Variants in DNAH9 observed in about 807,000 individuals in gnomAD.
DNAH9 encodes the protein dynein axonemal heavy chain 9, also known as DNAH9 variant protein.
Under a neutral mutation model 471.6 loss-of-function variants are expected in DNAH9, and 345 were observed. The observed-to-expected ratio is 0.73, with a 90% CI of 0.67 to 0.80. DNAH9 has a LOEUF of 0.80. Among genes scored for constraint, DNAH9 ranks in the 30% least tolerant of loss-of-function variants. The probability of loss-of-function intolerance (pLI) is 0.00; values close to 1 mark genes in which losing one functional copy is unlikely to be tolerated. For synonymous variants in DNAH9, 2,093 were observed against 2,123.6 expected (o/e 0.99, Z 0.40); for missense variants, 5,407 against 5,609.2 (o/e 0.96, Z 1.15).
At chr17:11,618,811 A>G (rs1398885492) in intron 5 of DNAH9, among the ~76,000 whole-genome samples, 1 of 152,162 alleles carries the variant, frequency 6.6e-6, no homozygotes. Context: ...ATTATTTATT[A>G]TATTATTTAA....
At chr17:11,919,509 A>G (rs941417354) in intron 61 of DNAH9, among the ~76,000 whole-genome samples, 2 of 151,644 alleles carry the variant, frequency 1.3e-5, no homozygotes, top group Non-Finnish European at 2.9e-5. Context: ...AAAAAAGAAA[A>G]AAAAAAAAAA....
chr17:11,871,550 C>A, intron 51 of DNAH9, 48 bp from the exon 52 acceptor site: 1 of 1,560,900 alleles, frequency 6.4e-7, no homozygotes, highest in Non-Finnish European at 8.8e-7. Flanking sequence ...GGCTCTATCA[C>A]CTACTGTGTA....
chr17:11,701,306 C>A, intron 24 of DNAH9, 59 bp downstream of exon 24: 2 of 1,576,434 alleles, frequency 1.3e-6, no homozygotes, highest in South Asian at 2.3e-5. Context: ...TCCGCAGCCT[C>A]CCCCAGCCTT....
intron 65 of DNAH9, among the ~76,000 whole-genome samples, chr17:11,935,323 A>C (rs1190377225): frequency 1.3e-5 from 2 of 150,982 alleles, no homozygotes; most frequent in African/African-American, 4.9e-5. Flanking sequence ...AGCTATGTTT[A>C]AAGTATTCAT....
chr17:11,859,110 A>G (rs900894779), intron 50 of DNAH9, among the ~76,000 whole-genome samples: 1 of 138,662 alleles, frequency 7.2e-6, no homozygotes, highest in African/African-American at 2.7e-5. Flanking sequence ...AAAAAAGAGT[A>G]ATGACACAAA....
intron 24 of DNAH9, among the ~76,000 whole-genome samples, chr17:11,703,834 A>T (rs1004029625): frequency 6.6e-6 from 1 of 152,166 alleles, no homozygotes; most frequent in African/African-American, 2.4e-5. Context: ...TGTCATTGGG[A>T]TGGTTGGGCA....
At chr17:11,787,742 T>C (rs1968923211) in intron 41 of DNAH9, among the ~76,000 whole-genome samples, 1 of 152,194 alleles carries the variant, frequency 6.6e-6, no homozygotes, top group Non-Finnish European at 1.5e-5. Flanking sequence ...GAGAGATAAT[T>C]GGAACCATGG....
chr17:11,880,016 A>G, intron 53 of DNAH9, 62 bp from the exon 54 acceptor site: 1 of 1,595,286 alleles, frequency 6.3e-7, no homozygotes. Flanking sequence ...GTCTCATTAA[A>G]TGGTCTCAAC....
chr17:11,878,558 TTTG>T (rs772443130), intron 53 of DNAH9, among the ~76,000 whole-genome samples: 1 of 152,084 alleles, frequency 6.6e-6, no homozygotes, highest in Non-Finnish European at 1.5e-5. Flanking sequence ...TGTTTGTTTG[TTTG>T]TTTGTTTGTT....
chr17:11,847,997 T>A (rs1289211120), intron 49 of DNAH9, among the ~76,000 whole-genome samples: 5 of 152,092 alleles, frequency 3.3e-5, no homozygotes, highest in Non-Finnish European at 5.9e-5. Context: ...CAGGTTCTGC[T>A]AACCCCTCCT....
At chr17:11,935,729 ACT>A (rs1974691253) in intron 65 of DNAH9, among the ~76,000 whole-genome samples, 1 of 151,978 alleles carries the variant, frequency 6.6e-6, no homozygotes, top group African/African-American at 2.4e-5. Context: ...GCCTAGAAAA[ACT>A]CTTGAATATA....
At chr17:11,948,865 C>A (rs1181054826) in intron 67 of DNAH9, among the ~76,000 whole-genome samples, 1 of 152,182 alleles carries the variant, frequency 6.6e-6, no homozygotes, top group Non-Finnish European at 1.5e-5. Flanking sequence ...CAGGCTACAG[C>A]ATGGAGCCCC....
chr17:11,902,789 A>G lies in DNAH9; in HGVS notation c.11477A>G (p.Lys3826Arg). ...GAGGGATCTGCTAAGAGCTGGAAAA[A>G]GTTTGTGGAGTCCGAATGTCCTGAG... ...DIEGSAKSWK[K>R]FVESECPEKE... The change falls in exon 60 of 69, where the codon AAG (lysine) becomes AGG (arginine). Residue 3826 changes from lysine (K) to arginine (R), a missense_variant. By Grantham distance (26) the Lys-to-Arg change is conservative (BLOSUM62 2). Transcript: ENST00000262442. 1 of 1,614,002 alleles carries G rather than the reference A, an allele frequency of 6.2e-7. No individual in the cohort carries two copies. The highest frequency in any genetic ancestry group is 1.7e-4 in the Middle Eastern group (1 of 6,056).
At chr17:11,893,177 G>C (rs1597796687) in intron 58 of DNAH9, among the ~76,000 whole-genome samples, 1 of 16,664 alleles carries the variant, frequency 6.0e-5, no homozygotes, top group Admixed American at 9.5e-4. Context: ...CTTGGCCTTT[G>C]CAAAAAAAAA....
chr17:11,833,167 C>G (rs979793443), intron 48 of DNAH9, among the ~76,000 whole-genome samples: 6 of 152,230 alleles, frequency 3.9e-5, no homozygotes, highest in Non-Finnish European at 8.8e-5. Flanking sequence ...TGGAAGTTTT[C>G]TCAGGTGCTG....
At chr17:11,751,449 A>G (rs899734027) in intron 32 of DNAH9, among the ~76,000 whole-genome samples, 1 of 152,058 alleles carries the variant, frequency 6.6e-6, no homozygotes, top group Non-Finnish European at 1.5e-5. Context: ...GGATAGAGCA[A>G]TTGTTTTTAA....
intron 17 of DNAH9, among the ~76,000 whole-genome samples, chr17:11,677,679 T>C (rs1050626442): frequency 6.6e-6 from 1 of 152,170 alleles, no homozygotes; most frequent in Non-Finnish European, 1.5e-5. Flanking sequence ...TATGTTCTTT[T>C]AGTTTGCTAT....
intron 48 of DNAH9, among the ~76,000 whole-genome samples, chr17:11,823,707 G>A (rs1970393874): frequency 1.3e-5 from 2 of 152,072 alleles, no homozygotes; most frequent in African/African-American, 2.4e-5. Context: ...CGAGGCTGGT[G>A]GATCACGAGG....
At chr17:11,876,704 T>G (rs1972499284) in intron 53 of DNAH9, among the ~76,000 whole-genome samples, 1 of 151,974 alleles carries the variant, frequency 6.6e-6, no homozygotes, top group African/African-American at 2.4e-5. Flanking sequence ...GTTTCAGGTT[T>G]TGTTTTTTTT....
Sources: allele counts gnomAD v4.1 joint callset (sites outside exome capture counted in the v4.1 genomes callset), GRCh38; gene constraint gnomAD v4.1.1; transcripts MANE v1.5; gene names NCBI Gene and HGNC (gene_info 2026-07-23, HGNC 2026-07-21).